The following PCLO variants were observed in gnomAD, a reference collection of about 807,000 sequenced individuals.
The protein encoded by PCLO is piccolo presynaptic cytomatrix protein, also known as protein piccolo.
Under a neutral mutation model 427.5 loss-of-function variants are expected in PCLO, and 82 were observed. The observed-to-expected ratio is 0.19, with a 90% CI of 0.16 to 0.23. The LOEUF (loss-of-function observed/expected upper bound fraction) is 0.23, where lower values mean the gene tolerates loss of function less well. PCLO is among the 10% of genes least tolerant of loss of function. PCLO has a pLI of 1.00. For missense variants in PCLO, 6,239 were observed against 6,115.9 expected (o/e 1.02, Z -0.67); for synonymous variants, 2,357 against 2,155.4 (o/e 1.09, Z -2.59).
chr7:82,928,027 C>T (rs1794754233), intron 6 of PCLO, among the ~76,000 whole-genome samples: 3 of 152,192 alleles, frequency 2.0e-5, no homozygotes, highest in Middle Eastern at 3.4e-3. Flanking sequence ...AAAAGCAGTC[C>T]TCACATGCAT....
Position 82,996,843 on chromosome 7 carries a change from ATATC to A in PCLO, c.3301-30360_3301-30357del, listed in dbSNP as rs146998221. Among the ~76,000 whole-genome samples the A allele has an allele frequency of 9.9e-3, 1,504 of 152,080 alleles. 36 individuals are homozygous for A. Among genetic ancestry groups the A allele is most frequent in the African/African-American group, 0.032 (1,335 of 41,536 alleles). On this transcript the variant is annotated intron_variant, in intron 3 of 24. Transcript: ENST00000333891. ...GTGTGGCCATGTACACACAATTTCT[ATATC>A]TAAGCATCTAGCTGAAAACATTTTA...
chr7:82,954,004 A>G lies in PCLO; in HGVS notation c.6949T>C (p.Leu2317=). 6.2e-7 allele frequency: 1 copy of G among 1,613,932 alleles called. No individual in the cohort carries two copies. Among genetic ancestry groups the G allele is most frequent in the Non-Finnish European group, 8.5e-7 (1 of 1,179,862 alleles). The change falls in exon 5 of 25, where the codon TTG becomes CTG. Residue 2317 remains leucine, a synonymous_variant. Coordinates refer to ENST00000333891, the MANE Select transcript of PCLO (RefSeq NM_033026.6). ...TCCTTTTTATCTCTGTAAGCTTCCA[A>G]AACTTCCAGAATGATTCCATTCCCA... ...ETGNGIILEV[L]EAYRDKKELE... is the part of the protein sequence containing the mutation.
chr7:82,814,506 A>C (rs1375304714), intron 20 of PCLO, among the ~76,000 whole-genome samples: 4 of 150,872 alleles, frequency 2.7e-5, no homozygotes, highest in Non-Finnish European at 5.9e-5. Context: ...TAATTTATAA[A>C]TTATAATTTA....
intron 3 of PCLO, among the ~76,000 whole-genome samples, chr7:83,056,690 C>A (rs1023044389): frequency 1.3e-5 from 2 of 152,034 alleles, no homozygotes; most frequent in African/African-American, 4.8e-5. Context: ...GGCTTTAGCA[C>A]CACAGAGATT....
At chr7:82,773,502 G>C (rs6966256) in intron 22 of PCLO, among the ~76,000 whole-genome samples, 7,197 of 152,136 alleles carry the variant, frequency 0.047, 354 homozygotes, top group African/African-American at 0.12. Context: ...CTCTTAAAAT[G>C]CAATAAATGT....
At chr7:82,806,557 G>A (rs1791461566) in intron 20 of PCLO, among the ~76,000 whole-genome samples, 1 of 152,102 alleles carries the variant, frequency 6.6e-6, no homozygotes, top group Admixed American at 6.5e-5. Context: ...TGTCAGATTT[G>A]AGAAGAAATT....
chr7:82,993,116 GT>G (rs1357180237), intron 3 of PCLO, among the ~76,000 whole-genome samples: 4 of 151,988 alleles, frequency 2.6e-5, no homozygotes, highest in East Asian at 3.9e-4. Context: ...AAAATATGTA[GT>G]TTTTCCCCCT....
chr7:83,068,707 C>T (rs1789730293), intron 3 of PCLO, among the ~76,000 whole-genome samples: 1 of 152,132 alleles, frequency 6.6e-6, no homozygotes, highest in Non-Finnish European at 1.5e-5. Flanking sequence ...TTATGGAAAA[C>T]AGTATGGAGC....
At chr7:83,108,225 G>A (rs1475707861) in intron 3 of PCLO, among the ~76,000 whole-genome samples, 1 of 151,942 alleles carries the variant, frequency 6.6e-6, no homozygotes, top group Non-Finnish European at 1.5e-5. Context: ...TGATTAATGA[G>A]GCAAGTAATG....
intron 3 of PCLO, among the ~76,000 whole-genome samples, chr7:83,130,001 T>C (rs1791529386): frequency 6.6e-6 from 1 of 151,878 alleles, no homozygotes. Flanking sequence ...TGACTTAAAT[T>C]TATTTCCTAA....
chr7:82,923,011 C>G (rs147602924), intron 6 of PCLO, among the ~76,000 whole-genome samples: 2 of 151,976 alleles, frequency 1.3e-5, no homozygotes, highest in Non-Finnish European at 2.9e-5. Context: ...GATGTGGATT[C>G]TTTTTCAAAC....
chr7:82,911,338 T>C (rs1794315000), intron 7 of PCLO, among the ~76,000 whole-genome samples: 1 of 152,136 alleles, frequency 6.6e-6, no homozygotes. Flanking sequence ...GCTAATTGTT[T>C]ATAACTGTCT....
At chr7:83,024,557 T>C (rs1275656985) in intron 3 of PCLO, among the ~76,000 whole-genome samples, 4 of 152,002 alleles carry the variant, frequency 2.6e-5, no homozygotes, top group Non-Finnish European at 5.9e-5. Context: ...CCAGGCTTGA[T>C]TAGGTAAACA....
rs139678106 is a variant in PCLO at position 82,764,085 on chromosome 7, A to G, written c.15008-2592T>C. On this transcript the variant is annotated intron_variant, in intron 22 of 24. Transcript: ENST00000333891. ...TGAGCAGTACATAGGTTGGTGGAAG[A>G]ATAGTATGGAAATGTCATATTTATG... 4.3e-3 allele frequency among the ~76,000 whole-genome samples: 650 copies of G among 152,106 alleles called. 2 individuals carry two copies. The highest frequency in any genetic ancestry group is 0.014 in the African/African-American group (570 of 41,538).
chr7:82,763,192 T>A (rs1470648744), intron 22 of PCLO, among the ~76,000 whole-genome samples: 1 of 152,092 alleles, frequency 6.6e-6, no homozygotes, highest in Non-Finnish European at 1.5e-5. Flanking sequence ...GGCATTTTTT[T>A]CCCTGTAAGA....
intron 6 of PCLO, among the ~76,000 whole-genome samples, chr7:82,927,242 A>G (rs1794733781): frequency 6.6e-6 from 1 of 152,186 alleles, no homozygotes; most frequent in African/African-American, 2.4e-5. Flanking sequence ...TTCATCTATA[A>G]CTTTTAATAT....
rs1170307361 is a variant in PCLO at position 82,956,507 on chromosome 7, A to G, written c.4446T>C (p.Asp1482=). 4 of 1,613,016 alleles carry G rather than the reference A, an allele frequency of 2.5e-6. No individual in the cohort carries two copies. Among genetic ancestry groups the G allele is most frequent in the South Asian group, 1.1e-5 (1 of 90,894 alleles). The part of the protein sequence containing the change: ...QEERKDTFKK[D]SQQDIPSSKD... ...TGCTGGAAGGAATATCTTGTTGGCT[A>G]TCTTTTTTAAAAGTGTCTTTCCTTT... Residue 1482 remains aspartate, a synonymous_variant, in exon 5 of 25, where the codon GAT becomes GAC. Coordinates refer to ENST00000333891, the MANE Select transcript of PCLO (RefSeq NM_033026.6).
chr7:82,841,031 G>A (rs1161033723), intron 14 of PCLO, among the ~76,000 whole-genome samples: 1 of 150,930 alleles, frequency 6.6e-6, no homozygotes, highest in Non-Finnish European at 1.5e-5. Flanking sequence ...AAGCAGTTAT[G>A]ACTTATGCTA....
At chr7:83,021,363 T>C (rs1482031837) in intron 3 of PCLO, among the ~76,000 whole-genome samples, 1 of 152,220 alleles carries the variant, frequency 6.6e-6, no homozygotes, top group Non-Finnish European at 1.5e-5. Context: ...GTGAAACCAC[T>C]GGCCAGAGAG....
Sources: allele counts gnomAD v4.1 joint callset (sites outside exome capture counted in the v4.1 genomes callset), GRCh38; gene constraint gnomAD v4.1.1; transcripts MANE v1.5; gene names NCBI Gene and HGNC (gene_info 2026-07-23, HGNC 2026-07-21).